ODAD3: variants seen among roughly 807,000 people sequenced by gnomAD.
The protein encoded by ODAD3 is outer dynein arm-docking complex subunit 3.
ODAD3 carries 57 observed loss-of-function variants against 70.9 expected under a neutral mutation model. The observed-to-expected ratio is 0.80, with a 90% CI of 0.65 to 1.00. ODAD3 has a LOEUF of 1.00. Ranked by LOEUF, ODAD3 falls within the 50% of genes least tolerant of loss-of-function variation. ODAD3 has a pLI of 0.00. For synonymous variants in ODAD3, 327 were observed against 315.9 expected (o/e 1.04, Z -0.37); for missense variants, 797 against 763.9 (o/e 1.04, Z -0.51).
Position 11,420,774 on chromosome 19 carries a change from C to A in ODAD3, c.*61G>T, listed in dbSNP as rs1464537203. 6.8e-7 allele frequency: 1 copy of A among 1,479,380 alleles called. No individual in the cohort carries two copies. The highest frequency in any genetic ancestry group is 9.4e-7 in the Non-Finnish European group (1 of 1,060,486). The allele number at this position is 1,479,380 out of a possible 1,614,324, so 91.6% of individuals were successfully genotyped here. On this transcript the variant is annotated 3_prime_UTR_variant, in exon 13 of 13. Coordinates refer to ENST00000356392, the MANE Select transcript of ODAD3 (RefSeq NM_145045.5). ...CCCTGAAGGGGCCCCGTGGGGCCTG[C>A]GCTAGACCCGGAGGGATCGGGGGCT...
chr19:11,423,848 C>A, intron 8 of ODAD3, 29 bp downstream of exon 8: 1 of 1,561,394 alleles, frequency 6.4e-7, no homozygotes. Flanking sequence ...GGGGGGGGCG[C>A]GGCGGAGAGG....
In ODAD3 at chr19:11,422,302, G is replaced by A. The variant is rs1310749273; in HGVS notation, c.1434+169C>T. The stretch of plus-strand genomic sequence containing the variant: ...CCCAGGGAGGTGGGGCGGGGACTCT[G>A]AGGAATGGGGTGGGGCTTCCCCTGT... On this transcript the variant is annotated intron_variant, in intron 10 of 12. Transcript: ENST00000356392. This position sits in a 1 kb window ranked among gnomAD's most constrained non-coding sequence, Gnocchi z 4.6. Among the ~76,000 whole-genome samples the A allele has an allele frequency of 6.6e-6, 1 of 152,010 alleles. No individual in the cohort carries two copies. Among genetic ancestry groups the A allele is most frequent in the African/African-American group, 2.4e-5 (1 of 41,380 alleles).
rs770443160 is a variant in ODAD3, at chr19:11,430,974, C to G, written c.291G>C (p.Lys97Asn). ...GCTGACTGATGGTCTCCTGGTTCTT[C>G]TTGATGTTCCACTGAGAGCTCTCAA... is the stretch of plus-strand genomic sequence containing the variant. ...AFFESSQWNI[K>N]KNQETISQLR... is the part of the protein sequence containing the mutation. Residue 97 changes from lysine to asparagine, a missense_variant, in exon 2 of 13, where the codon AAG (lysine) becomes AAC (asparagine). Coordinates refer to ENST00000356392, the MANE Select transcript of ODAD3 (RefSeq NM_145045.5). 6.2e-7 allele frequency: 1 copy of G among 1,614,106 alleles called. No homozygotes were observed.
intron 3 of ODAD3, among the ~76,000 whole-genome samples, chr19:11,428,546 T>C (rs1011474006): frequency 6.6e-6 from 1 of 152,038 alleles, no homozygotes; most frequent in Non-Finnish European, 1.5e-5. Flanking sequence ...CCCAGCCTTT[T>C]AATTTTTATA....
chr19:11,421,860 C>A, intron 10 of ODAD3, 28 bp from the exon 11 acceptor site: 1 of 1,599,550 alleles, frequency 6.3e-7, no homozygotes, highest in South Asian at 1.1e-5. Context: ...CCGGGTCAGC[C>A]GAGAGGGGTG....
intron 3 of ODAD3, 163 bp downstream of exon 3, chr19:11,430,536 C>T: frequency 2.9e-6 from 2 of 697,492 alleles, no homozygotes; most frequent in Non-Finnish European, 5.1e-6. Context: ...ACTACCATGC[C>T]AGGATGCCAG....
chr19:11,435,312 T>C (rs977107795), upstream of ODAD3: 3 of 776,470 alleles, frequency 3.9e-6, no homozygotes, highest in Non-Finnish European at 5.7e-6. Context: ...GGACGGAGGG[T>C]CTGGACACTT....
At chr19:11,427,813 G>A (rs1969417174) in intron 3 of ODAD3, among the ~76,000 whole-genome samples, 1 of 148,814 alleles carries the variant, frequency 6.7e-6, no homozygotes, top group South Asian at 2.3e-4. Context: ...TTTAAAAAAT[G>A]TTTTAGGCTG....
In ODAD3 at chr19:11,435,011, T is replaced by A; in HGVS notation, c.6A>T (p.Thr2=). The stretch of plus-strand genomic sequence containing the variant: ...CGGAGGCCGCCCTGCACAGAGGAGA[T>A]GTCATGATGGGGTTGGGGCTGAAGG... M[T]SPLCRAASAN... The change falls in exon 1 of 13, where the codon ACA becomes ACT. Residue 2 remains threonine (T), a synonymous_variant. Coordinates refer to ENST00000356392, the MANE Select transcript of ODAD3 (RefSeq NM_145045.5). The A allele has an allele frequency of 6.2e-7, 1 of 1,610,394 alleles. No individual in the cohort carries two copies. The highest frequency in any genetic ancestry group is 1.3e-5 in the African/African-American group (1 of 74,996).
intron 3 of ODAD3, among the ~76,000 whole-genome samples, chr19:11,428,360 G>A (rs1194117567): frequency 6.6e-6 from 1 of 152,004 alleles, no homozygotes; most frequent in African/African-American, 2.4e-5. Context: ...TTCCTCCTCA[G>A]CGTCCTCAGT....
intron 3 of ODAD3, among the ~76,000 whole-genome samples, chr19:11,427,325 T>G (rs934236705): frequency 6.6e-6 from 1 of 151,596 alleles, no homozygotes; most frequent in African/African-American, 2.4e-5. Context: ...GACGGAGTCT[T>G]GCTCTGACAC....
At chr19:11,425,326 T>C (rs1599458900) in intron 7 of ODAD3, among the ~76,000 whole-genome samples, 1 of 138,940 alleles carries the variant, frequency 7.2e-6, no homozygotes, top group Non-Finnish European at 1.5e-5. Flanking sequence ...TGTGTATATG[T>C]ACATATGTGT....
intron 1 of ODAD3, among the ~76,000 whole-genome samples, chr19:11,431,562 G>A (rs964215439): frequency 3.3e-5 from 5 of 151,398 alleles, no homozygotes; most frequent in African/African-American, 1.2e-4. Flanking sequence ...AGGTAGAGGC[G>A]GGCGGATCAC....
intron 3 of ODAD3, among the ~76,000 whole-genome samples, chr19:11,429,474 G>A (rs1162572409): frequency 6.6e-6 from 1 of 151,348 alleles, no homozygotes; most frequent in Non-Finnish European, 1.5e-5. Context: ...GCAGTGGTGC[G>A]ATCTCAGCTC....
chr19:11,429,760 G>C (rs372634574), intron 3 of ODAD3, among the ~76,000 whole-genome samples: 2 of 151,662 alleles, frequency 1.3e-5, no homozygotes, highest in African/African-American at 2.4e-5. Context: ...GGATGGGCTC[G>C]ATCTCCTGAC....
intron 3 of ODAD3, among the ~76,000 whole-genome samples, chr19:11,430,050 G>C (rs1969471384): frequency 6.6e-6 from 1 of 151,990 alleles, no homozygotes; most frequent in Admixed American, 6.6e-5. Flanking sequence ...TCCCAGGCTG[G>C]AGCACAGTGG....
At chr19:11,421,861 G>A in intron 10 of ODAD3, 29 bp from the exon 11 acceptor site, 1 of 1,599,258 alleles carries the variant, frequency 6.3e-7, no homozygotes, top group South Asian at 1.1e-5. Flanking sequence ...CGGGTCAGCC[G>A]AGAGGGGTGG....
At chr19:11,425,087 A>G (rs796304428) in intron 7 of ODAD3, among the ~76,000 whole-genome samples, 5 of 135,116 alleles carry the variant, frequency 3.7e-5, no homozygotes, top group East Asian at 2.4e-4. Context: ...GTGTATATGT[A>G]CATATGTGTA....
chr19:11,424,183 C>T (rs992577094), intron 7 of ODAD3, among the ~76,000 whole-genome samples, 154 bp from the exon 8 acceptor site: 3 of 152,002 alleles, frequency 2.0e-5, no homozygotes, highest in South Asian at 4.2e-4. Flanking sequence ...TAAAGGCACC[C>T]GGGCAGGTGT....
Sources: allele counts gnomAD v4.1 joint callset (sites outside exome capture counted in the v4.1 genomes callset), GRCh38; gene constraint gnomAD v4.1.1; non-coding constraint Gnocchi (gnomAD v3.1); transcripts MANE v1.5; gene names NCBI Gene and HGNC (gene_info 2026-07-23, HGNC 2026-07-21).